EVA1C: variants seen among roughly 807,000 people sequenced by gnomAD.
The protein encoded by EVA1C is eva-1 homolog C, also known as protein eva-1 homolog C.
Under a neutral mutation model 45.4 loss-of-function variants are expected in EVA1C, and 25 were observed. That is an observed-to-expected ratio of 0.55 (90% CI 0.40 to 0.77). EVA1C has a LOEUF of 0.77. EVA1C is among the 30% of genes least tolerant of loss of function. The probability of loss-of-function intolerance (pLI) is 0.00; values close to 1 mark genes in which losing one functional copy is unlikely to be tolerated. For synonymous variants in EVA1C, 190 were observed against 221.2 expected, an observed-to-expected ratio of 0.86 and a Z score of 1.25; for missense variants, 479 against 554.8, an observed-to-expected ratio of 0.86 and a Z score of 1.37.
intron 4 of EVA1C, among the ~76,000 whole-genome samples, chr21:32,484,073 A>ATTCCT (rs1253284292): frequency 1.3e-5 from 2 of 151,640 alleles, no homozygotes; most frequent in East Asian, 3.9e-4. Context: ...GCCATAGATC[A>ATTCCT]TTCCTTTCAA....
chr21:32,443,632 C>T (rs2035260982), intron 1 of EVA1C, among the ~76,000 whole-genome samples: 1 of 152,138 alleles, frequency 6.6e-6, no homozygotes, highest in African/African-American at 2.4e-5. Context: ...GATGCTTATG[C>T]CCACTATATC....
In EVA1C at chr21:32,483,905, C is replaced by T. The variant is rs148395626; in HGVS notation, c.635-11122C>T. ...GCATTCAGGGTGGTATGGCCGTAGA[C>T]GTCCTTCATGAATATATTCAAATCA... is the stretch of plus-strand genomic sequence containing the variant. On this transcript the variant is annotated intron_variant, in intron 4 of 7. Coordinates refer to ENST00000300255, the MANE Select transcript of EVA1C (RefSeq NM_058187.5). 5.9e-3 allele frequency among the ~76,000 whole-genome samples: 903 copies of T among 151,834 alleles called. 7 individuals carry two copies. The highest frequency in any genetic ancestry group is 0.02 in the African/African-American group (815 of 41,396).
chr21:32,481,993 C>T (rs958700067), intron 4 of EVA1C, among the ~76,000 whole-genome samples: 1 of 152,124 alleles, frequency 6.6e-6, no homozygotes, highest in African/African-American at 2.4e-5. Context: ...CCTAAAGTAC[C>T]ATTTCCTACC....
At chr21:32,436,222 C>T (rs1252828015) in intron 1 of EVA1C, among the ~76,000 whole-genome samples, 1 of 152,124 alleles carries the variant, frequency 6.6e-6, no homozygotes, top group Non-Finnish European at 1.5e-5. Context: ...CGTCACCACA[C>T]CCGCCTAATT....
rs371197060 is a variant in EVA1C at position 32,450,849 on chromosome 21, C to T, written c.161-2463C>T. ...CAAGCAATGATGTAGTTCCAAGGGG[C>T]AGGACTCTGACCCACACTCCTGGTG... On this transcript the variant is annotated intron_variant, in intron 1 of 7. Coordinates refer to ENST00000300255, the MANE Select transcript of EVA1C (RefSeq NM_058187.5). Among the ~76,000 whole-genome samples the T allele has an allele frequency of 2.0e-4, 31 of 152,308 alleles. No homozygotes were observed. In the East Asian group the frequency reaches 4.2e-3, roughly 21 times the overall value.
chr21:32,510,611 C>G (rs1418003216), intron 7 of EVA1C, among the ~76,000 whole-genome samples: 1 of 152,180 alleles, frequency 6.6e-6, no homozygotes, highest in African/African-American at 2.4e-5. Flanking sequence ...AAAAGGCGGG[C>G]AAGAGAGGAG....
chr21:32,509,110 C>G (rs2037865388), intron 7 of EVA1C, among the ~76,000 whole-genome samples: 2 of 152,304 alleles, frequency 1.3e-5, no homozygotes, highest in Admixed American at 6.5e-5. Context: ...TGGAGAGAGC[C>G]CTGGCCTGAG....
chr21:32,468,663 G>A (rs547753876), intron 4 of EVA1C, among the ~76,000 whole-genome samples: 3 of 152,248 alleles, frequency 2.0e-5, no homozygotes, highest in African/African-American at 7.2e-5. Context: ...ACGGGAGAAA[G>A]ATGTAGACCT....
chr21:32,451,524 T>G (rs2146242111), intron 1 of EVA1C, among the ~76,000 whole-genome samples: 1 of 152,346 alleles, frequency 6.6e-6, no homozygotes, highest in South Asian at 2.1e-4. Flanking sequence ...GGAGTCTGAC[T>G]GGCTGCCTGT....
intron 5 of EVA1C, among the ~76,000 whole-genome samples, chr21:32,497,835 A>G (rs1043164933): frequency 9.2e-5 from 14 of 152,282 alleles, no homozygotes; most frequent in Admixed American, 7.2e-4. Context: ...AGTTGTGCAG[A>G]GAAATTCTCA....
intron 1 of EVA1C, among the ~76,000 whole-genome samples, chr21:32,437,099 G>A (rs577988770): frequency 3.9e-5 from 6 of 152,354 alleles, no homozygotes; most frequent in East Asian, 1.9e-4. Flanking sequence ...GGTGGAGGTC[G>A]CAGTGAGCCG....
At chr21:32,477,963 T>C (rs1268199335) in intron 4 of EVA1C, among the ~76,000 whole-genome samples, 1 of 135,698 alleles carries the variant, frequency 7.4e-6, no homozygotes, top group East Asian at 2.1e-4. Flanking sequence ...ACCTCTGCCA[T>C]ACGCTGTCCC....
chr21:32,427,257 C>T (rs557161952), intron 1 of EVA1C, among the ~76,000 whole-genome samples: 2 of 152,262 alleles, frequency 1.3e-5, no homozygotes, highest in South Asian at 4.1e-4. Context: ...AAAGTAAAAA[C>T]ATTTGACGAT....
chr21:32,498,587 G>A (rs142563990), intron 5 of EVA1C, among the ~76,000 whole-genome samples: 8 of 152,180 alleles, frequency 5.3e-5, no homozygotes, highest in African/African-American at 1.9e-4. Context: ...GACTGTAACA[G>A]TGGAGGGGGC....
chr21:32,495,249 G>A, intron 5 of EVA1C, 79 bp downstream of exon 5: 2 of 1,515,840 alleles, frequency 1.3e-6, no homozygotes, highest in African/African-American at 2.7e-5. Flanking sequence ...AACGGCAGGA[G>A]TTTGCCCAGA....
chr21:32,484,128 A>C (rs2036888701), intron 4 of EVA1C, among the ~76,000 whole-genome samples: 1 of 152,146 alleles, frequency 6.6e-6, no homozygotes, highest in African/African-American at 2.4e-5. Context: ...AGTTTCCCTG[A>C]GACATGAGCT....
intron 4 of EVA1C, among the ~76,000 whole-genome samples, chr21:32,489,440 T>A (rs9983371): frequency 0.055 from 8,440 of 152,316 alleles, 338 homozygotes; most frequent in African/African-American, 0.11. Context: ...GGCTTTCTAT[T>A]CTGTTCCATT....
intron 7 of EVA1C, among the ~76,000 whole-genome samples, chr21:32,510,884 T>C: frequency 6.6e-6 from 1 of 151,660 alleles, no homozygotes; most frequent in Admixed American, 6.6e-5. Context: ...AAAAATATAA[T>C]AAAAAGTTAG....
intron 7 of EVA1C, among the ~76,000 whole-genome samples, chr21:32,514,561 C>T (rs1214535694): frequency 2.0e-5 from 3 of 152,206 alleles, no homozygotes; most frequent in African/African-American, 7.2e-5. Context: ...TCAGAGGAGT[C>T]TGGCTCCTGA....
Sources: allele counts gnomAD v4.1 joint callset (sites outside exome capture counted in the v4.1 genomes callset), GRCh38; gene constraint gnomAD v4.1.1; transcripts MANE v1.5; gene names NCBI Gene and HGNC (gene_info 2026-07-23, HGNC 2026-07-21).